The following MUC6 variants were observed in gnomAD, a reference collection of about 807,000 sequenced individuals.
MUC6 encodes the protein mucin 6, oligomeric mucus/gel-forming (gene/pseudogene), also known as mucin-6.
MUC6 carries 188 observed loss-of-function variants against 201.5 expected under a neutral mutation model. That is an observed-to-expected ratio of 0.93 (90% CI 0.83 to 1.05). The LOEUF (loss-of-function observed/expected upper bound fraction) is 1.05. Ranked by LOEUF, MUC6 falls within the 50% of genes least tolerant of loss-of-function variation. The pLI, the probability that MUC6 is intolerant of heterozygous loss-of-function variation, is 0.00. For missense variants in MUC6, 2,706 were observed against 3,256.9 expected, an observed-to-expected ratio of 0.83 and a Z score of 4.12; for synonymous variants, 1,228 against 1,389.4, an observed-to-expected ratio of 0.88 and a Z score of 2.58.
intron 31 of MUC6, among the ~76,000 whole-genome samples, chr11:1,015,219 G>T (rs1380082716): frequency 0.028 from 1 of 36 alleles, no homozygotes; most frequent in Admixed American, 0.25. Context: ...CATGGGCCGG[G>T]AAGAGACCGT....
chr11:1,034,584 G>A (rs1315496027), intron 1 of MUC6, among the ~76,000 whole-genome samples: 2 of 152,190 alleles, frequency 1.3e-5, no homozygotes, highest in Admixed American at 1.3e-4. Context: ...GGAGGGGTGG[G>A]AGAGCTCTGA....
At position 1,013,813 on chromosome 11, in the gene MUC6, G is replaced by A. The variant is rs756350142; in HGVS notation, c.7142+86C>T. On this transcript the variant is annotated intron_variant, in intron 32 of 32. Coordinates refer to ENST00000421673, the MANE Select transcript of MUC6 (RefSeq NM_005961.3). ...TGGCTCACCTGATGGGGCAGCAGGCGCCTGGGTGGGGTGCCCGAACCTCTC... is the reference window on the plus strand; with the variant it reads ...TGGCTCACCTGATGGGGCAGCAGGCACCTGGGTGGGGTGCCCGAACCTCTC... 5 of 1,442,728 alleles carry A rather than the reference G, an allele frequency of 3.5e-6. No individual in the cohort carries two copies. In the African/African-American group the frequency reaches 4.2e-5, roughly 12 times the overall value. 89.4% of individuals were successfully genotyped at this position (1,442,728 alleles called of 1,614,324 possible). A position where few individuals can be genotyped will look rare whatever the true frequency, so the allele number is the denominator to read the frequency against.
rs1408233052 is a variant in MUC6, at chr11:1,016,502, G to C, written c.6299C>G (p.Ser2100Ter). The change falls in exon 31 of 33, where the codon TCA (serine) becomes TGA (stop). Residue 2100 changes from serine to a stop codon, truncating the protein, a stop_gained. Coordinates refer to ENST00000421673, the MANE Select transcript of MUC6 (RefSeq NM_005961.3). LOFTEE classifies it high-confidence loss of function. The stretch of plus-strand genomic sequence containing the variant: ...GGTGATAGGTGATGACGGTGGCCTT[G>C]AGCTAGAGTTCTGAGGCAGCCAAGA... Reference protein sequence around the residue: ...SSSWLPQNSSSRPPSSPITTQ... With the variant: ...SSSWLPQNSS 1.2e-6 allele frequency: 2 copies of C among 1,613,892 alleles called. No homozygotes were observed. Among genetic ancestry groups the C allele is most frequent in the East Asian group, 4.5e-5 (2 of 44,878 alleles).
Position 1,028,899 on chromosome 11 carries a change from T to TGGCA in MUC6, c.1439_1442dup (p.Tyr482AlafsTer63), listed in dbSNP as rs2133832451. 1 of 1,612,628 alleles carries TGGCA rather than the reference T, an allele frequency of 6.2e-7. No homozygotes were observed. The highest frequency in any genetic ancestry group is 2.2e-5 in the East Asian group (1 of 44,890). On this transcript the variant is annotated frameshift_variant, in exon 12 of 33. Transcript: ENST00000421673. LOFTEE classifies it high-confidence loss of function. ...TGGGCCAGGACGTACGAGTCTTGTA[T>TGGCA]GGCAGCCACTTGGCTTCTCCGTTGT...
rs780159317 is a variant in MUC6 at position 1,019,431 on chromosome 11, G to A, written c.3874C>T (p.Leu1292=). The A allele has an allele frequency of 1.2e-6, 2 of 1,613,882 alleles. No homozygotes were observed. Among genetic ancestry groups the A allele is most frequent in the South Asian group, 2.2e-5 (2 of 91,066 alleles). ...ATSGLPPTAT[L]RSTATKPTVT... ...GTGGGTTTTGTGGCTGTCGATCTCA[G>A]TGTGGCTGTGGGAGGCAGCCCTGAT... The change falls in exon 30 of 33, where the codon CTG becomes TTG. Residue 1292 remains leucine, a synonymous_variant. Coordinates refer to ENST00000421673, the MANE Select transcript of MUC6 (RefSeq NM_005961.3).
rs1033083305 is a variant in MUC6 at position 1,013,660 on chromosome 11, G to A, written c.7143-27C>T. 2.6e-6 allele frequency: 4 copies of A among 1,547,154 alleles called. No homozygotes were observed. The African/African-American group carries it at 5.5e-5, about 21-fold the overall frequency. On this transcript the variant is annotated intron_variant, in intron 32 of 32. Coordinates refer to ENST00000421673, the MANE Select transcript of MUC6 (RefSeq NM_005961.3). Reference sequence around the variant, plus strand: ...TGCCGAGAAGTCAAGACAGAGCAGGGTCATGACTGCTGCAGGGGCATAAGG... The same window carrying A: ...TGCCGAGAAGTCAAGACAGAGCAGGATCATGACTGCTGCAGGGGCATAAGG...
chr11:1,013,378 G>A lies in MUC6; in HGVS notation c.*78C>T. 7.1e-7 allele frequency: 1 copy of A among 1,414,950 alleles called. No homozygotes were observed. The highest frequency in any genetic ancestry group is 9.5e-7 in the Non-Finnish European group (1 of 1,051,782). The allele number at this position is 1,414,950 out of a possible 1,614,324, so 87.6% of individuals were successfully genotyped here. A position where few individuals can be genotyped will look rare whatever the true frequency, so the allele number is the denominator to read the frequency against. On this transcript the variant is annotated 3_prime_UTR_variant, in exon 33 of 33. Coordinates refer to ENST00000421673, the MANE Select transcript of MUC6 (RefSeq NM_005961.3). ...ACCAGGAAAGCAGCTGCTGGCACAA[G>A]CGGGAAGGGGGCTGGTGGGTGTTTT... is the stretch of plus-strand genomic sequence containing the variant.
intron 20 of MUC6, 41 bp from the exon 21 acceptor site, chr11:1,026,182 C>T (rs765654819): frequency 6.4e-7 from 1 of 1,565,950 alleles, no homozygotes; most frequent in South Asian, 1.2e-5. Context: ...CTGCGGCCCT[C>T]CTGCCATACT....
At chr11:1,035,999 G>A (rs559291865) in intron 1 of MUC6, among the ~76,000 whole-genome samples, 32 of 152,220 alleles carry the variant, frequency 2.1e-4, no homozygotes, top group Admixed American at 6.5e-4. Flanking sequence ...GAGGATCCAG[G>A]ATGTCAGTCC....
chr11:1,023,692 C>T (rs1287451586), intron 25 of MUC6, 40 bp from the exon 26 acceptor site: 4 of 1,605,032 alleles, frequency 2.5e-6, no homozygotes, highest in South Asian at 1.1e-5. Flanking sequence ...GGTTCCTGGC[C>T]CTGGCCCTGG....
chr11:1,024,157 A>G, intron 24 of MUC6, 54 bp from the exon 25 acceptor site: 5 of 1,566,964 alleles, frequency 3.2e-6, no homozygotes, highest in Non-Finnish European at 4.3e-6. Flanking sequence ...GCGGGGCATC[A>G]GGCTTTGCCA....
intron 31 of MUC6, 122 bp from the exon 32 acceptor site, chr11:1,014,123 T>C (rs1856546869): frequency 2.5e-6 from 2 of 792,250 alleles, no homozygotes; most frequent in South Asian, 1.7e-5. Flanking sequence ...AGGTGTGGTC[T>C]CCCCTTGTGG....
rs1856945591 is a variant in MUC6 at position 1,025,905 on chromosome 11, C to T, written c.2699G>A (p.Gly900Asp). The change falls in exon 22 of 33, where the codon GGT (glycine) becomes GAT (aspartate). Residue 900 changes from glycine (G) to aspartate (D), a missense_variant. By Grantham distance (94) the Gly-to-Asp change is moderately conservative. Transcript: ENST00000421673. The stretch of plus-strand genomic sequence containing the variant: ...GAAGGTGGGCTGTGAGTCGTTGACA[C>T]CACAGACGTCCTGCAGGGAGAGGGC... ...CEYILATDVC[G>D]VNDSQPTFKI... 2.5e-6 allele frequency: 4 copies of T among 1,610,672 alleles called. No homozygotes were observed. The highest frequency in any genetic ancestry group is 2.5e-6 in the Non-Finnish European group (3 of 1,178,890).
In MUC6 at chr11:1,016,032, T is replaced by C. The variant is rs777541794; in HGVS notation, c.6769A>G (p.Ser2257Gly). ...GAGAAGGCAGGGGCGGTGTGGGTGC[T>C]GGCCGTGGTCCTGGGCGTGGACGGA... is the stretch of plus-strand genomic sequence containing the variant. The part of the protein sequence containing the change: ...AFPSTPRTTA[S>G]THTAPAFSSQ... The change falls in exon 31 of 33, where the codon AGC (serine) becomes GGC (glycine). Residue 2257 changes from serine (S) to glycine (G), a missense_variant. Ser to Gly is a moderately conservative substitution (Grantham distance 56). Transcript: ENST00000421673. The C allele has an allele frequency of 3.1e-6, 5 of 1,608,482 alleles. No homozygotes were observed. Among genetic ancestry groups the C allele is most frequent in the Middle Eastern group, 1.7e-4 (1 of 6,040 alleles).
At chr11:1,025,443 T>C (rs1027583288) in intron 22 of MUC6, 76 bp from the exon 23 acceptor site, 2 of 1,526,878 alleles carry the variant, frequency 1.3e-6, no homozygotes, top group East Asian at 4.5e-5. Context: ...GACCGAGCTC[T>C]CAGAGACAGA....
Position 1,013,108 on chromosome 11 carries a change from T to C in MUC6, c.*348A>G. The C allele has an allele frequency of 3.1e-6, 1 of 321,522 alleles. No homozygotes were observed. The allele number at this position is 321,522 out of a possible 1,614,324, so 19.9% of individuals were successfully genotyped here. A position where few individuals can be genotyped will look rare whatever the true frequency, so the allele number is the denominator to read the frequency against. ...CGAGCGCCTGCTCTGTGGCTTCATC[T>C]GCAGGGTTCTGGGCCCAGCAGGGCT... On this transcript the variant is annotated 3_prime_UTR_variant, in exon 33 of 33. Coordinates refer to ENST00000421673, the MANE Select transcript of MUC6 (RefSeq NM_005961.3).
rs752264951 is a variant in MUC6 at position 1,028,882 on chromosome 11, G to A, written c.1453+7C>T. 1 of 1,612,002 alleles carries A rather than the reference G, an allele frequency of 6.2e-7. No homozygotes were observed. The highest frequency in any genetic ancestry group is 2.2e-5 in the East Asian group (1 of 44,886). ...TCTGGGGGGCCACAGACTGGGCCAG[G>A]ACGTACGAGTCTTGTATGGCAGCCA... is the stretch of plus-strand genomic sequence containing the variant. On this transcript the variant is annotated splice_region_variant and intron_variant, in intron 12 of 32. Coordinates refer to ENST00000421673, the MANE Select transcript of MUC6 (RefSeq NM_005961.3).
At position 1,026,096 on chromosome 11, in the gene MUC6, G is replaced by T. The variant is rs1354338955; in HGVS notation, c.2592C>A (p.Cys864Ter). Residue 864 changes from cysteine to a stop codon, truncating the protein, a stop_gained, in exon 21 of 33, where the codon TGC becomes TGA. Transcript: ENST00000421673. LOFTEE classifies it high-confidence loss of function. ...CCCCGTAGAGGGTGCAGGTGGATGG[G>T]CAGTGGGTGCCCTGCTGACAGGCCC... ...GRWACQQGTHCPSTCTLYGEG... is the reference protein window; with the variant it reads ...GRWACQQGTH 2 of 1,599,928 alleles carry T rather than the reference G, an allele frequency of 1.3e-6. No homozygotes were observed. The highest frequency in any genetic ancestry group is 1.7e-6 in the Non-Finnish European group (2 of 1,174,166).
intron 1 of MUC6, among the ~76,000 whole-genome samples, chr11:1,034,671 G>A (rs1378601374): frequency 6.6e-6 from 1 of 152,206 alleles, no homozygotes; most frequent in Non-Finnish European, 1.5e-5. Flanking sequence ...TCTCCCCTGG[G>A]CAATGCCCCC....
Sources: allele counts gnomAD v4.1 joint callset (sites outside exome capture counted in the v4.1 genomes callset), GRCh38; gene constraint gnomAD v4.1.1; transcripts MANE v1.5; gene names NCBI Gene and HGNC (gene_info 2026-07-23, HGNC 2026-07-21).